The following SLC8A1 variants were observed in gnomAD, a reference collection of about 807,000 sequenced individuals.
SLC8A1 encodes solute carrier family 8 member A1, also known as sodium/calcium exchanger 1.
In SLC8A1, 18 loss-of-function variants were observed where a neutral mutation model predicts 68.3. The ratio of observed to expected loss-of-function variants is 0.26; its 90% CI spans 0.18 to 0.39. The LOEUF is 0.39. Among genes scored for constraint, SLC8A1 ranks in the 10% least tolerant of loss-of-function variants. The pLI is 1.00. For missense variants in SLC8A1, 985 were observed against 1,156.7 expected, an observed-to-expected ratio of 0.85 and a Z score of 2.15; for synonymous variants, 475 against 415.5, an observed-to-expected ratio of 1.14 and a Z score of -1.74.
At chr2:40,346,159 G>A (rs906070549) in intron 2 of SLC8A1, among the ~76,000 whole-genome samples, 2 of 151,590 alleles carry the variant, frequency 1.3e-5, no homozygotes, top group East Asian at 3.9e-4. Flanking sequence ...GACTTTGAAT[G>A]GATTCATTTC....
chr2:40,226,000 A>G (rs1315543009), intron 2 of SLC8A1, among the ~76,000 whole-genome samples: 2 of 152,190 alleles, frequency 1.3e-5, no homozygotes, highest in Non-Finnish European at 2.9e-5. Context: ...ATAAGATGGT[A>G]AACAATACTC....
At chr2:40,471,645 A>G (rs1049442374) in intron 1 of SLC8A1, among the ~76,000 whole-genome samples, 1 of 152,174 alleles carries the variant, frequency 6.6e-6, no homozygotes, top group African/African-American at 2.4e-5. Context: ...ATAAGAAGTT[A>G]CTGACCTCAG....
At chr2:40,511,339 A>T (rs1291746005) in intron 1 of SLC8A1, among the ~76,000 whole-genome samples, 1 of 152,046 alleles carries the variant, frequency 6.6e-6, no homozygotes, top group Non-Finnish European at 1.5e-5. Flanking sequence ...ATGACCTATA[A>T]TTTTTTCTCT....
Position 40,178,546 on chromosome 2 carries a change from A to G in SLC8A1, c.1809-691T>C, listed in dbSNP as rs1048926443. The G allele has an allele frequency of 4.1e-6, 6 of 1,458,458 alleles. No homozygotes were observed. The East Asian group carries it at 1.1e-4, about 28-fold the overall frequency. 90.3% of individuals were successfully genotyped at this position (1,458,458 alleles called of 1,614,324 possible). A position where few individuals can be genotyped will look rare whatever the true frequency, so the allele number is the denominator to read the frequency against. On this transcript the variant is annotated intron_variant, in intron 2 of 7. Coordinates refer to ENST00000406785, the Ensembl canonical transcript of SLC8A1. ...CAAGGGGAAGAGGAAAGAGAAGAGA[A>G]GGAACATAGAGAAGAGGAAAGCAAG...
intron 2 of SLC8A1, among the ~76,000 whole-genome samples, chr2:40,316,235 T>C (rs1184946472): frequency 2.0e-5 from 3 of 152,038 alleles, no homozygotes; most frequent in Non-Finnish European, 2.9e-5. Flanking sequence ...GACTCAACTG[T>C]CCTTTGTGGT....
chr2:40,133,730 TCA>T (rs2039918653), intron 7 of SLC8A1, among the ~76,000 whole-genome samples: 1 of 148,498 alleles, frequency 6.7e-6, no homozygotes, highest in Non-Finnish European at 1.5e-5. Context: ...CATCAGTATC[TCA>T]GAGTTCTCCC....
At chr2:40,482,640 A>G (rs115725841) in intron 1 of SLC8A1, among the ~76,000 whole-genome samples, 145 of 152,304 alleles carry the variant, frequency 9.5e-4, no homozygotes, top group Middle Eastern at 3.4e-3. Flanking sequence ...GGTAAGTGGC[A>G]GAGTGGGGAT....
intron 2 of SLC8A1, among the ~76,000 whole-genome samples, chr2:40,207,308 A>G (rs1273014288): frequency 3.3e-5 from 5 of 151,980 alleles, no homozygotes; most frequent in African/African-American, 7.3e-5. Flanking sequence ...ACACCTTCCC[A>G]TTATCCCCGA....
chr2:40,236,880 G>T (rs2060461428), intron 2 of SLC8A1, among the ~76,000 whole-genome samples: 1 of 151,628 alleles, frequency 6.6e-6, no homozygotes, highest in African/African-American at 2.4e-5. Context: ...GGCTGGATAT[G>T]AAATTCTGGG....
chr2:40,115,699 C>T, intron 7 of SLC8A1, 70 bp from the exon 11 acceptor site: 1 of 1,540,194 alleles, frequency 6.5e-7, no homozygotes, highest in Non-Finnish European at 8.7e-7. Flanking sequence ...CTGCAAGCTT[C>T]AGCTGTGTAC....
chr2:40,238,637 C>T (rs539411368), intron 2 of SLC8A1, among the ~76,000 whole-genome samples: 105 of 152,288 alleles, frequency 6.9e-4, no homozygotes, highest in Non-Finnish European at 1.2e-3. Flanking sequence ...CGATCGTCTT[C>T]TGTTTCTTAC....
upstream of SLC8A1, among the ~76,000 whole-genome samples, chr2:40,454,077 C>T (rs1379546773): frequency 3.3e-5 from 5 of 152,180 alleles, no homozygotes; most frequent in African/African-American, 1.2e-4. Flanking sequence ...AGGTCACTGT[C>T]TCTTTTAGAA....
exon 4 of SLC8A1, chr2:40,174,833 G>A (rs1405221975): frequency 1.2e-6 from 2 of 1,609,296 alleles, no homozygotes; most frequent in African/African-American, 1.3e-5. Context: ...ACCTGTTATT[G>A]TGAAGCCACC....
At chr2:40,318,695 T>C (rs1295595564) in intron 2 of SLC8A1, among the ~76,000 whole-genome samples, 1 of 151,976 alleles carries the variant, frequency 6.6e-6, no homozygotes, top group Non-Finnish European at 1.5e-5. Flanking sequence ...CCCAAAATAG[T>C]GCTACTATTT....
At chr2:40,464,382 A>C (rs1703535574) in intron 1 of SLC8A1, among the ~76,000 whole-genome samples, 1 of 152,212 alleles carries the variant, frequency 6.6e-6, no homozygotes, top group African/African-American at 2.4e-5. Flanking sequence ...TTTGCAGTTA[A>C]GTTTTCTCCA....
At chr2:40,433,547 TC>T (rs1182830342) in intron 1 of SLC8A1, among the ~76,000 whole-genome samples, 13 of 152,264 alleles carry the variant, frequency 8.5e-5, no homozygotes, top group African/African-American at 3.1e-4. Flanking sequence ...TGTTGCTATT[TC>T]CATTATAGTC....
chr2:40,285,440 C>T (rs2068154593), intron 2 of SLC8A1, among the ~76,000 whole-genome samples: 1 of 152,150 alleles, frequency 6.6e-6, no homozygotes, highest in African/African-American at 2.4e-5. Flanking sequence ...TGTTGTTTGT[C>T]TGGTTCTTTC....
At chr2:40,277,594 A>G (rs1412453145) in intron 2 of SLC8A1, among the ~76,000 whole-genome samples, 2 of 151,844 alleles carry the variant, frequency 1.3e-5, no homozygotes, top group African/African-American at 4.8e-5. Context: ...TAGCTACCTT[A>G]TAAGGTTTTC....
chr2:40,130,360 T>A (rs2039079540), intron 7 of SLC8A1, among the ~76,000 whole-genome samples: 1 of 152,266 alleles, frequency 6.6e-6, no homozygotes, highest in Non-Finnish European at 1.5e-5. Context: ...TTTGCAGGCT[T>A]CCTTTAACTC....
Sources: allele counts gnomAD v4.1 joint callset (sites outside exome capture counted in the v4.1 genomes callset), GRCh38; gene constraint gnomAD v4.1.1; transcripts MANE v1.5; gene names NCBI Gene and HGNC (gene_info 2026-07-23, HGNC 2026-07-21).